TTC23: variants seen among roughly 807,000 people sequenced by gnomAD.
The protein encoded by TTC23 is tetratricopeptide repeat domain 23.
In TTC23, 58 loss-of-function variants were observed where a neutral mutation model predicts 55.1. The ratio of observed to expected loss-of-function variants is 1.05; its 90% CI spans 0.85 to 1.31. TTC23 has a LOEUF of 1.31. Ranked by LOEUF, TTC23 falls within the 50% of genes most tolerant of loss-of-function variation. The probability of loss-of-function intolerance (pLI) is 0.00; values close to 1 mark genes in which losing one functional copy is unlikely to be tolerated. For synonymous variants in TTC23, 203 were observed against 199.9 expected, an observed-to-expected ratio of 1.02 and a Z score of -0.13; for missense variants, 516 against 534.4, an observed-to-expected ratio of 0.97 and a Z score of 0.34.
chr15:99,149,719 C>T (rs1205713498), intron 12 of TTC23, among the ~76,000 whole-genome samples: 1 of 152,256 alleles, frequency 6.6e-6, no homozygotes, highest in Non-Finnish European at 1.5e-5. Context: ...CCTCAGGCCC[C>T]TTCTCTGTTT....
chr15:99,155,208 C>T (rs77757298), intron 12 of TTC23, among the ~76,000 whole-genome samples: 25 of 151,828 alleles, frequency 1.6e-4, no homozygotes, highest in Middle Eastern at 3.4e-3. Context: ...ATAGTAATAA[C>T]GAAGATCAAA....
chr15:99,139,501 C>T, intron 12 of TTC23, 102 bp from the exon 13 acceptor site: 1 of 1,566,056 alleles, frequency 6.4e-7, no homozygotes, highest in Non-Finnish European at 8.7e-7. Context: ...CATTCTTAGG[C>T]CCTGCTGTGA....
rs1195644847 is a variant in TTC23 at position 99,218,895 on chromosome 15, T to A, written c.455+3A>T. 2.5e-6 allele frequency: 4 copies of A among 1,610,128 alleles called. No homozygotes were observed. The highest frequency in any genetic ancestry group is 1.1e-5 in the South Asian group (1 of 90,672). ...TTTGTAAAAGTTAGAGGCAAAAGGA[T>A]ACTTTTGAAGGGAGAGTAAAGCTCT... On this transcript the variant is annotated splice_donor_region_variant and intron_variant, in intron 7 of 13. Transcript: ENST00000394132.
Position 99,228,750 on chromosome 15 carries a change from A to C in TTC23, c.-20-18T>G. ...ATTGTCTTCTAATTTTAAAATAAAA[A>C]ACAAAGATGTTAAATGATAATTTCC... On this transcript the variant is annotated intron_variant, in intron 4 of 13. Coordinates refer to ENST00000394132, the MANE Select transcript of TTC23 (RefSeq NM_001288615.3). 6.7e-7 allele frequency: 1 copy of C among 1,491,070 alleles called. No individual in the cohort carries two copies. The highest frequency in any genetic ancestry group is 9.0e-7 in the Non-Finnish European group (1 of 1,105,824). The allele number at this position is 1,491,070 out of a possible 1,614,324, so 92.4% of individuals were successfully genotyped here. A position where few individuals can be genotyped will look rare whatever the true frequency, so the allele number is the denominator to read the frequency against.
intron 4 of TTC23, among the ~76,000 whole-genome samples, chr15:99,234,475 A>C (rs905664303): frequency 6.6e-6 from 1 of 152,140 alleles, no homozygotes; most frequent in African/African-American, 2.4e-5. Context: ...GGTTCACACC[A>C]TTGTCCTGCC....
At chr15:99,182,517 A>C in intron 9 of TTC23, among the ~76,000 whole-genome samples, 1 of 152,140 alleles carries the variant, frequency 6.6e-6, no homozygotes, top group African/African-American at 2.4e-5. Context: ...ATTTTTAAAG[A>C]ACTCTTTCTA....
At chr15:99,246,714 T>C (rs188562405) in intron 1 of TTC23, among the ~76,000 whole-genome samples, 1 of 151,226 alleles carries the variant, frequency 6.6e-6, no homozygotes, top group East Asian at 1.9e-4. Context: ...AGTTCAGGAG[T>C]TCGAGACCTG....
At chr15:99,153,836 T>C (rs1210054800) in intron 12 of TTC23, among the ~76,000 whole-genome samples, 2 of 152,034 alleles carry the variant, frequency 1.3e-5, no homozygotes, top group African/African-American at 2.4e-5. Context: ...ATTAACACAA[T>C]AGACAAACTA....
intron 3 of TTC23, among the ~76,000 whole-genome samples, chr15:99,240,578 T>C (rs1053052682): frequency 2.0e-5 from 3 of 152,192 alleles, no homozygotes; most frequent in African/African-American, 7.2e-5. Context: ...GGGGCAAGGG[T>C]ACTCTCCAGT....
At chr15:99,250,741 T>C (rs2080664038), upstream of TTC23, among the ~76,000 whole-genome samples, 1 of 152,236 alleles carries the variant, frequency 6.6e-6, no homozygotes, top group Non-Finnish European at 1.5e-5. Context: ...TTTAACTCTC[T>C]AAATTGTTCC....
chr15:99,143,087 C>T (rs2068434623), intron 12 of TTC23, among the ~76,000 whole-genome samples: 1 of 152,210 alleles, frequency 6.6e-6, no homozygotes, highest in Admixed American at 6.5e-5. Context: ...GAAACAAATC[C>T]TCAGCCCCTC....
At chr15:99,230,334 GA>G (rs887240485) in intron 4 of TTC23, among the ~76,000 whole-genome samples, 2 of 151,440 alleles carry the variant, frequency 1.3e-5, no homozygotes, top group East Asian at 3.9e-4. Context: ...TATCAAAAAT[GA>G]AAAAAAATCA....
chr15:99,177,309 T>C (rs1288716484), intron 9 of TTC23, among the ~76,000 whole-genome samples: 1 of 152,246 alleles, frequency 6.6e-6, no homozygotes, highest in Non-Finnish European at 1.5e-5. Context: ...ACTTTTCTTA[T>C]TACAGAATAT....
intron 5 of TTC23, 109 bp downstream of exon 5, chr15:99,228,424 G>A: frequency 1.0e-6 from 1 of 994,830 alleles, no homozygotes; most frequent in South Asian, 2.1e-5. Flanking sequence ...ATACTTTCTT[G>A]TATCAAACTG....
chr15:99,193,230 A>C (rs2075391347), intron 9 of TTC23, among the ~76,000 whole-genome samples: 1 of 152,182 alleles, frequency 6.6e-6, no homozygotes, highest in Admixed American at 6.5e-5. Flanking sequence ...TTGGGAAGGC[A>C]TGATTGGTTT....
intron 4 of TTC23, among the ~76,000 whole-genome samples, chr15:99,234,155 T>C (rs2152079411): frequency 6.6e-6 from 1 of 152,284 alleles, no homozygotes; most frequent in African/African-American, 2.4e-5. Context: ...AAAGAATCAT[T>C]AAAAGAACAA....
At chr15:99,187,462 A>AAAAAAAAAAAAAAAAAAAAAAAG (rs1230105824) in intron 9 of TTC23, among the ~76,000 whole-genome samples, 3 of 132,546 alleles carry the variant, frequency 2.3e-5, no homozygotes, top group Non-Finnish European at 4.9e-5. Context: ...CAAAAAAAAA[A>AAAAAAAAAAAAAAAAAAAAAAAG]AAAAAACAAA....
intron 12 of TTC23, among the ~76,000 whole-genome samples, chr15:99,155,068 A>G (rs1245692515): frequency 6.6e-6 from 1 of 152,232 alleles, no homozygotes; most frequent in Non-Finnish European, 1.5e-5. Flanking sequence ...GGGAGACTCA[A>G]TGATTGAATT....
At chr15:99,246,337 T>C in intron 1 of TTC23, among the ~76,000 whole-genome samples, 1 of 151,406 alleles carries the variant, frequency 6.6e-6, no homozygotes, top group East Asian at 2.0e-4. Context: ...AACATGGGGC[T>C]GGGCGTGGTG....
Sources: gnomAD v4.1 joint callset for allele counts (sites outside exome capture counted in the v4.1 genomes callset) on GRCh38, gnomAD v4.1.1 for gene constraint, MANE v1.5 for transcripts, NCBI Gene and HGNC (gene_info 2026-07-23, HGNC 2026-07-21) for gene names.